Variants in DOCK9 observed in about 807,000 individuals in gnomAD.
DOCK9 encodes the protein dedicator of cytokinesis protein 9.
A neutral mutation model predicts 263.3 loss-of-function variants in DOCK9; 89 were observed. That is an observed-to-expected ratio of 0.34 (90% CI 0.28 to 0.40). The LOEUF (loss-of-function observed/expected upper bound fraction) is 0.40, where lower values mean the gene tolerates loss of function less well. Ranked by LOEUF, DOCK9 falls within the 10% of genes least tolerant of loss-of-function variation. The pLI is 1.00. For missense variants in DOCK9, 2,140 were observed against 2,603.4 expected, an observed-to-expected ratio of 0.82 and a Z score of 3.87; for synonymous variants, 976 against 973.1, an observed-to-expected ratio of 1.00 and a Z score of -0.06.
Position 98,955,507 on chromosome 13 carries a change from G to T in DOCK9, c.171C>A (p.Ile57=), listed in dbSNP as rs368512761. 4.4e-6 allele frequency: 7 copies of T among 1,599,062 alleles called. No individual in the cohort carries two copies. The Admixed American group carries it at 8.6e-5, about 20-fold the overall frequency. Residue 57 remains isoleucine (I), a synonymous_variant, in exon 2 of 53, where the codon ATC becomes ATA. Coordinates refer to ENST00000682017, the MANE Select transcript of DOCK9 (RefSeq NM_001366683.2). ...LIEPLDYENV[I]VQKKTQILND... ...TCAGGATCTGAGTCTTCTTCTGGAC[G>T]ATGACATTTTCATAGTCGAGTGGCT...
intron 1 of DOCK9, among the ~76,000 whole-genome samples, chr13:99,084,026 C>G (rs2042231609): frequency 6.6e-6 from 1 of 152,322 alleles, no homozygotes; most frequent in South Asian, 2.1e-4. Flanking sequence ...GACAGATGCA[C>G]AGACCATGGG....
At chr13:99,079,865 C>T (rs1294091056) in intron 1 of DOCK9, among the ~76,000 whole-genome samples, 1 of 152,054 alleles carries the variant, frequency 6.6e-6, no homozygotes, top group Non-Finnish European at 1.5e-5. Flanking sequence ...CATGGTGAAA[C>T]CCCGTCTCTA....
rs759775713 is a variant in DOCK9 at position 98,809,400 on chromosome 13, C to T, written c.5319G>A (p.Ser1773=). The change falls in exon 47 of 53, where the codon TCG becomes TCA. Residue 1773 remains serine, a synonymous_variant. Transcript: ENST00000682017. ...AGTAGGTCCCCAGAAGCCTGCGGCCCGAGTGCATGACCTCGGTCACTTTGC... is the reference window on the plus strand; with the variant it reads ...AGTAGGTCCCCAGAAGCCTGCGGCCTGAGTGCATGACCTCGGTCACTTTGC... ...AYSKVTEVMH[S]GRRLLGTYFR... is the part of the protein sequence containing the mutation. 66 of 1,613,554 alleles carry T rather than the reference C, an allele frequency of 4.1e-5. No individual in the cohort carries two copies. In the South Asian group the frequency reaches 6.8e-4, roughly 17 times the overall value.
intron 1 of DOCK9, among the ~76,000 whole-genome samples, chr13:98,956,009 G>A (rs778223561): frequency 6.6e-6 from 1 of 152,136 alleles, no homozygotes; most frequent in Non-Finnish European, 1.5e-5. Context: ...GCTCCAAGAC[G>A]CCCTTCTCTG....
chr13:99,030,885 C>T (rs1451689036), intron 1 of DOCK9, among the ~76,000 whole-genome samples: 1 of 152,158 alleles, frequency 6.6e-6, no homozygotes, highest in Non-Finnish European at 1.5e-5. Context: ...CATGCAAATT[C>T]TTTCTTTTTA....
chr13:98,852,385 G>A (rs2093598586), intron 35 of DOCK9, among the ~76,000 whole-genome samples: 2 of 152,098 alleles, frequency 1.3e-5, no homozygotes, highest in South Asian at 4.1e-4. Flanking sequence ...GGGCAAGAGG[G>A]ATTTTCCTAC....
chr13:98,911,926 G>C (rs565753008), intron 9 of DOCK9, among the ~76,000 whole-genome samples: 1 of 148,686 alleles, frequency 6.7e-6, no homozygotes, highest in African/African-American at 2.5e-5. Context: ...CTAGAGTGCA[G>C]TGGCATGATC....
rs139851344 is a variant in DOCK9, at chr13:98,987,236, G to A, written c.130-31685C>T. On this transcript the variant is annotated intron_variant, in intron 1 of 32. Coordinates refer to the DOCK9 transcript ENST00000427887. The stretch of plus-strand genomic sequence containing the variant: ...TATAATCATTCCACAATGTAAACAC[G>A]TATCAAAACATCACATTGTATCCCA... Among the ~76,000 whole-genome samples the A allele has an allele frequency of 1.6e-3, 248 of 152,148 alleles. 1 individual carries two copies. Among genetic ancestry groups the A allele is most frequent in the African/African-American group, 5.2e-3 (216 of 41,490 alleles).
Position 98,955,447 on chromosome 13 carries a change from G to A in DOCK9, c.231C>T (p.Tyr77=), listed in dbSNP as rs749196604. The A allele has an allele frequency of 3.7e-5, 59 of 1,585,712 alleles. No homozygotes were observed. Among genetic ancestry groups the A allele is most frequent in the Middle Eastern group, 1.7e-4 (1 of 6,052 alleles). Residue 77 remains tyrosine, a synonymous_variant, in exon 2 of 53, where the codon TAC becomes TAT. Coordinates refer to ENST00000682017, the MANE Select transcript of DOCK9 (RefSeq NM_001366683.2). The part of the protein sequence containing the change: ...DCLREMLLFP[Y]DDFQTAILRR... ...TAACGTTACTTACCTGAAAGTCATC[G>A]TAAGGGAAGAGCAGCATCTCCCGTA...
At chr13:99,020,563 C>T (rs1359443767) in intron 1 of DOCK9, among the ~76,000 whole-genome samples, 1 of 152,226 alleles carries the variant, frequency 6.6e-6, no homozygotes, top group African/African-American at 2.4e-5. Flanking sequence ...AAAGCTTAAG[C>T]ATCTGCAGCT....
intron 45 of DOCK9, among the ~76,000 whole-genome samples, 186 bp downstream of exon 45, chr13:98,824,212 A>C (rs1370669140): frequency 6.6e-6 from 1 of 152,222 alleles, no homozygotes; most frequent in Non-Finnish European, 1.5e-5. Flanking sequence ...ACACTCCTAG[A>C]AGGGGAGAAC....
At chr13:99,050,005 T>C (rs746084582) in intron 1 of DOCK9, among the ~76,000 whole-genome samples, 7 of 152,182 alleles carry the variant, frequency 4.6e-5, no homozygotes, top group African/African-American at 9.7e-5. Context: ...ATTTAAAAAA[T>C]TGAAATATGA....
chr13:98,879,764 GATTT>G (rs1404940224), intron 27 of DOCK9, 130 bp downstream of exon 27: 2 of 634,450 alleles, frequency 3.2e-6, no homozygotes, highest in Non-Finnish European at 5.2e-6. Flanking sequence ...AAGCTAAAAT[GATTT>G]ATTACTTGTA....
At position 98,885,720 on chromosome 13, in the gene DOCK9, C is replaced by G. The variant is rs142647356; in HGVS notation, c.2248G>C (p.Val750Leu). ...AAGCCCCCCCAACCTTGGGTTTCAA[C>G]GACATCCCTCTTCTTCGTGCTTCCT... ...SKGSTKKRDVVETQVGYSWLP... is the reference protein window; with the variant it reads ...SKGSTKKRDVLETQVGYSWLP... The change falls in exon 20 of 53, where the codon GTT becomes CTT. Residue 750 changes from valine (V) to leucine (L), a missense_variant. Transcript: ENST00000682017. 7 of 1,610,522 alleles carry G rather than the reference C, an allele frequency of 4.3e-6. No individual in the cohort carries two copies. Among genetic ancestry groups the G allele is most frequent in the Middle Eastern group, 1.6e-4 (1 of 6,076 alleles).
At chr13:98,798,805 T>A (rs1002942531) in intron 50 of DOCK9, among the ~76,000 whole-genome samples, 2 of 152,220 alleles carry the variant, frequency 1.3e-5, no homozygotes, top group Non-Finnish European at 2.9e-5. Context: ...AACTTAATCT[T>A]CTCATTTCAA....
At chr13:98,871,547 G>A (rs551138792) in intron 27 of DOCK9, among the ~76,000 whole-genome samples, 17 of 152,290 alleles carry the variant, frequency 1.1e-4, no homozygotes, top group African/African-American at 3.8e-4. Context: ...ACATTTCAAG[G>A]TAATGAAGAC....
chr13:98,918,753 C>A (rs1372984322), intron 7 of DOCK9, among the ~76,000 whole-genome samples: 1 of 152,192 alleles, frequency 6.6e-6, no homozygotes, highest in African/African-American at 2.4e-5. Context: ...ACACACAATT[C>A]CTCAGAAAGC....
rs141663077 is a variant in DOCK9, at chr13:98,866,742, C to T, written c.3286+683G>A. Among the ~76,000 whole-genome samples, 5 of 152,238 alleles carry T rather than the reference C, an allele frequency of 3.3e-5. No homozygotes were observed. The East Asian group carries it at 9.6e-4, about 29-fold the overall frequency. ...TTGCTTGTGATTTTGATTACTGCCACCACTATGGACAAGGGCTATGAAAAT... is the reference window on the plus strand; with the variant it reads ...TTGCTTGTGATTTTGATTACTGCCATCACTATGGACAAGGGCTATGAAAAT... On this transcript the variant is annotated intron_variant, in intron 30 of 52. Coordinates refer to ENST00000682017, the MANE Select transcript of DOCK9 (RefSeq NM_001366683.2).
At position 98,905,161 on chromosome 13, in the gene DOCK9, A is replaced by C. The variant is rs73558813; in HGVS notation, c.961-455T>G. On this transcript the variant is annotated intron_variant, in intron 9 of 52. Coordinates refer to ENST00000682017, the MANE Select transcript of DOCK9 (RefSeq NM_001366683.2). The stretch of plus-strand genomic sequence containing the variant: ...TAGAGTCCAGTCTGTGACTGGGTGC[A>C]AGAAGGGGAAGAGGAAGGAATATAT... Among the ~76,000 whole-genome samples the C allele has an allele frequency of 5.3e-3, 808 of 152,354 alleles. 9 individuals carry two copies. Among genetic ancestry groups the C allele is most frequent in the South Asian group, 0.045 (218 of 4,818 alleles).
Sources: gnomAD v4.1 joint callset for allele counts (sites outside exome capture counted in the v4.1 genomes callset) on GRCh38, gnomAD v4.1.1 for gene constraint, MANE v1.5 for transcripts, NCBI Gene and HGNC (gene_info 2026-07-23, HGNC 2026-07-21) for gene names.